Variants in RORA observed in about 807,000 individuals in gnomAD.
RORA encodes the protein nuclear receptor ROR-alpha.
RORA carries 7 observed loss-of-function variants against 69.5 expected under a neutral mutation model. The ratio of observed to expected loss-of-function variants is 0.10; its 90% CI spans 0.06 to 0.19. RORA has a LOEUF of 0.19. Among genes scored for constraint, RORA ranks in the 10% least tolerant of loss-of-function variants. RORA has a pLI of 1.00. For missense variants in RORA, 457 were observed against 663.0 expected (o/e 0.69, Z 3.41); for synonymous variants, 261 against 240.8 (o/e 1.08, Z -0.78).
intron 8 of RORA, among the ~76,000 whole-genome samples, chr15:60,501,776 A>T (rs1036651196): frequency 6.6e-6 from 1 of 152,240 alleles, no homozygotes; most frequent in Non-Finnish European, 1.5e-5. Context: ...TCCGTTTTCC[A>T]AAAGACTGGT....
In RORA at chr15:60,659,502, G is replaced by A. The variant is rs151180213; in HGVS notation, c.196+19155C>T. Among the ~76,000 whole-genome samples the A allele has an allele frequency of 6.2e-4, 95 of 152,290 alleles. 1 individual carries two copies. Among genetic ancestry groups the A allele is most frequent in the African/African-American group, 2.2e-3 (92 of 41,562 alleles). On this transcript the variant is annotated intron_variant, in intron 2 of 10. Transcript: ENST00000335670. ...CTTGCACCTTTTCGCTACCTGAAAG[G>A]AAGGTCAGACAACCTTAGTATAAAA...
chr15:60,959,390 C>T (rs1893354277), intron 1 of RORA, among the ~76,000 whole-genome samples: 1 of 152,196 alleles, frequency 6.6e-6, no homozygotes, highest in African/African-American at 2.4e-5. Flanking sequence ...TTACTGGAGT[C>T]CTAGTTCAAC....
intron 2 of RORA, among the ~76,000 whole-genome samples, chr15:60,661,322 C>T (rs1178589254): frequency 1.3e-5 from 2 of 152,174 alleles, no homozygotes; most frequent in Non-Finnish European, 2.9e-5. Context: ...ATATAGCATA[C>T]ATGGGATTCC....
chr15:60,978,259 T>C (rs1287026583), intron 1 of RORA, among the ~76,000 whole-genome samples: 1 of 152,202 alleles, frequency 6.6e-6, no homozygotes, highest in African/African-American at 2.4e-5. Context: ...TAATGAATAA[T>C]TTTCATGTGT....
chr15:60,690,779 C>T (rs1271992285), intron 1 of RORA, among the ~76,000 whole-genome samples: 1 of 152,152 alleles, frequency 6.6e-6, no homozygotes, highest in Non-Finnish European at 1.5e-5. Context: ...CAAAAAGTAG[C>T]ACCCTACACA....
At chr15:61,054,826 G>GTTTTTTT (rs66846535) in intron 1 of RORA, among the ~76,000 whole-genome samples, 6 of 134,632 alleles carry the variant, frequency 4.5e-5, no homozygotes, top group Non-Finnish European at 9.6e-5. Context: ...TTTGTTTTTT[G>GTTTTTTT]TTTTTTTTTT....
chr15:61,024,643 G>A lies in RORA; in HGVS notation c.166+204410C>T, dbSNP rs572090101. 2.6e-5 allele frequency among the ~76,000 whole-genome samples: 4 copies of A among 151,968 alleles called. No homozygotes were observed. The East Asian group carries it at 7.8e-4, about 30-fold the overall frequency. On this transcript the variant is annotated intron_variant, in intron 1 of 10. Transcript: ENST00000335670. Reference sequence around the variant, plus strand: ...TTTTTGTATTTTTTGTGGAGACAGGGTTTCACCGTGTTGGTCAGGCTGGTC... The same window carrying A: ...TTTTTGTATTTTTTGTGGAGACAGGATTTCACCGTGTTGGTCAGGCTGGTC...
intron 2 of RORA, among the ~76,000 whole-genome samples, chr15:60,671,309 G>C (rs2070466507): frequency 6.6e-6 from 1 of 151,998 alleles, no homozygotes; most frequent in African/African-American, 2.4e-5. Flanking sequence ...GGTTTGTGCT[G>C]TACGAAATAT....
chr15:60,793,439 T>C (rs1299769889), intron 1 of RORA, among the ~76,000 whole-genome samples: 1 of 152,206 alleles, frequency 6.6e-6, no homozygotes, highest in Non-Finnish European at 1.5e-5. Context: ...ATACATGTGC[T>C]CTGCAAACTG....
chr15:60,520,350 T>C (rs1480185239), intron 3 of RORA: 1 of 152,044 alleles, frequency 6.6e-6, no homozygotes, highest in Admixed American at 6.6e-5. Flanking sequence ...TCAGGAAGAA[T>C]GAGGGTTTGG....
intron 1 of RORA, among the ~76,000 whole-genome samples, chr15:60,790,211 G>C (rs911184705): frequency 6.6e-5 from 10 of 152,176 alleles, no homozygotes; most frequent in African/African-American, 2.4e-4. Flanking sequence ...CTTATTCCAT[G>C]GCAGATTCTC....
intron 1 of RORA, among the ~76,000 whole-genome samples, chr15:61,157,255 C>T (rs184314489): frequency 5.3e-5 from 8 of 152,150 alleles, no homozygotes; most frequent in Admixed American, 2.0e-4. Context: ...GCCCTTTTGG[C>T]ATAAATGTAG....
At chr15:60,903,549 A>G (rs1891448842) in intron 1 of RORA, among the ~76,000 whole-genome samples, 1 of 152,200 alleles carries the variant, frequency 6.6e-6, no homozygotes, top group Admixed American at 6.5e-5. Context: ...TAGGGTACCA[A>G]TGTTCAAGGC....
intron 1 of RORA, among the ~76,000 whole-genome samples, chr15:60,996,064 G>GTT: frequency 7.9e-6 from 1 of 126,034 alleles, no homozygotes; most frequent in African/African-American, 2.6e-5. Flanking sequence ...TCTAGATCTT[G>GTT]TTTTTTGTTT....
intron 1 of RORA, among the ~76,000 whole-genome samples, chr15:60,985,775 G>A (rs1372002432): frequency 6.6e-6 from 1 of 151,822 alleles, no homozygotes; most frequent in Non-Finnish European, 1.5e-5. Flanking sequence ...AGTAGAAACG[G>A]GGTTTCACCA....
Position 60,761,558 on chromosome 15 carries a change from T to C in RORA, c.167-82872A>G, listed in dbSNP as rs192791522. 8.9e-4 allele frequency among the ~76,000 whole-genome samples: 135 copies of C among 152,286 alleles called. 1 individual carries two copies. Among genetic ancestry groups the C allele is most frequent in the Admixed American group, 3.5e-3 (54 of 15,286 alleles). ...CAGGCCTTTTCTACTTTCAAGCTCT[T>C]GCCCAGAATGTTGCTTCTATTTTTG... is the stretch of plus-strand genomic sequence containing the variant. On this transcript the variant is annotated intron_variant, in intron 1 of 10. Transcript: ENST00000335670.
At chr15:60,890,787 A>G (rs143722215) in intron 1 of RORA, among the ~76,000 whole-genome samples, 1,617 of 152,350 alleles carry the variant, frequency 0.011, 26 homozygotes, top group African/African-American at 0.038. Context: ...CTTGCTCTTG[A>G]GACTTTAAGT....
chr15:60,681,536 T>C (rs1324673672), intron 1 of RORA: 1 of 152,166 alleles, frequency 6.6e-6, no homozygotes, highest in Admixed American at 6.5e-5. Context: ...TTGAATTGAA[T>C]CTAGAATGTT....
At chr15:60,556,961 AC>A in intron 2 of RORA, 1 of 1,562,862 alleles carries the variant, frequency 6.4e-7, no homozygotes, top group Non-Finnish European at 8.8e-7. Flanking sequence ...ATGATAAAGG[AC>A]AAAGAAAAGA....
Sources: allele counts gnomAD v4.1 joint callset (sites outside exome capture counted in the v4.1 genomes callset), GRCh38; gene constraint gnomAD v4.1.1; transcripts MANE v1.5; gene names NCBI Gene and HGNC (gene_info 2026-07-23, HGNC 2026-07-21).